The following GALNT18 variants were observed in gnomAD, a reference collection of about 807,000 sequenced individuals.
The protein encoded by GALNT18 is polypeptide N-acetylgalactosaminyltransferase 18, also known as GalNAc-transferase 18.
GALNT18 carries 44 observed loss-of-function variants against 69.5 expected under a neutral mutation model. That is an observed-to-expected ratio of 0.63 (90% CI 0.50 to 0.81). The LOEUF is 0.81. GALNT18 is among the 40% of genes least tolerant of loss of function. The pLI is 0.00. For missense variants in GALNT18, 715 were observed against 810.0 expected (o/e 0.88, Z 1.42); for synonymous variants, 364 against 318.2 (o/e 1.14, Z -1.53).
At chr11:11,556,218 T>A (rs1858330094) in intron 1 of GALNT18, among the ~76,000 whole-genome samples, 1 of 152,246 alleles carries the variant, frequency 6.6e-6, no homozygotes, top group Non-Finnish European at 1.5e-5. Flanking sequence ...GGTCAAACTC[T>A]ATCGCTTGAT....
chr11:11,344,520 C>T (rs1301733897), intron 6 of GALNT18, among the ~76,000 whole-genome samples: 2 of 152,184 alleles, frequency 1.3e-5, no homozygotes, highest in Non-Finnish European at 2.9e-5. Context: ...AAATGGTGCT[C>T]AAAAGAGATC....
rs1439153457 is a variant in GALNT18 at position 11,356,342 on chromosome 11, A to G, written c.1093-15338T>C. ...CTAGAATAACAATGTAATGGTGGCCAAGAAGCTACCTTCCAGGGTCTGATA... is the reference window on the plus strand; with the variant it reads ...CTAGAATAACAATGTAATGGTGGCCGAGAAGCTACCTTCCAGGGTCTGATA... On this transcript the variant is annotated intron_variant, in intron 6 of 10. Coordinates refer to ENST00000227756, the MANE Select transcript of GALNT18 (RefSeq NM_198516.3). This position sits in a 1 kb window ranked among gnomAD's most constrained non-coding sequence, Gnocchi z 4.4. Among the ~76,000 whole-genome samples the G allele has an allele frequency of 6.6e-6, 1 of 152,196 alleles. No individual in the cohort carries two copies. Among genetic ancestry groups the G allele is most frequent in the Non-Finnish European group, 1.5e-5 (1 of 68,034 alleles).
intron 9 of GALNT18, among the ~76,000 whole-genome samples, chr11:11,300,760 A>T (rs1051518780): frequency 6.6e-6 from 1 of 152,202 alleles, no homozygotes; most frequent in East Asian, 1.9e-4. Context: ...AAGCTAAGGC[A>T]GGGGTCTCCA....
rs1218274183 is a variant in GALNT18, at chr11:11,309,795, C to A, written c.1513-16602G>T. 6.6e-6 allele frequency among the ~76,000 whole-genome samples: 1 copy of A among 152,144 alleles called. No individual in the cohort carries two copies. Among genetic ancestry groups the A allele is most frequent in the Non-Finnish European group, 1.5e-5 (1 of 68,028 alleles). ...TCTCACATACCCAGATCCCCTTATG[C>A]TTCAGTTGCAAGACAGCCTGCAAAC... On this transcript the variant is annotated intron_variant, in intron 9 of 10. Coordinates refer to ENST00000227756, the MANE Select transcript of GALNT18 (RefSeq NM_198516.3). This position sits in a 1 kb window ranked among gnomAD's most constrained non-coding sequence, Gnocchi z 4.6.
chr11:11,445,035 T>C (rs559876862), intron 2 of GALNT18, among the ~76,000 whole-genome samples: 1 of 152,350 alleles, frequency 6.6e-6, no homozygotes, highest in South Asian at 2.1e-4. Context: ...TGGTTTCATG[T>C]GCACTAAAAC....
chr11:11,378,854 C>T (rs1412474259), intron 4 of GALNT18, among the ~76,000 whole-genome samples: 1 of 152,180 alleles, frequency 6.6e-6, no homozygotes, highest in Non-Finnish European at 1.5e-5. Flanking sequence ...TATTAGGCAC[C>T]GTGTGCTGAC....
intron 6 of GALNT18, among the ~76,000 whole-genome samples, chr11:11,363,120 A>C (rs544217171): frequency 1.4e-4 from 21 of 152,302 alleles, no homozygotes; most frequent in Admixed American, 2.6e-4. Flanking sequence ...GCCTTTTTTC[A>C]AAGTATTAAG....
In GALNT18 at chr11:11,341,112, C is replaced by T; in HGVS notation, c.1093-108G>A. ...GCAGGAAGAAAGTCAGCCCCTTCAC[C>T]TTGACTCCCCAGATCACTCTCTGTG... On this transcript the variant is annotated intron_variant, in intron 6 of 10. Coordinates refer to ENST00000227756, the MANE Select transcript of GALNT18 (RefSeq NM_198516.3). The surrounding 1 kb of genome is among the most constrained non-coding windows in gnomAD (Gnocchi z 6.3). 3 of 967,942 alleles carry T rather than the reference C, an allele frequency of 3.1e-6. No homozygotes were observed. The highest frequency in any genetic ancestry group is 4.6e-6 in the Non-Finnish European group (3 of 651,122). The allele number at this position is 967,942 out of a possible 1,614,324, so 60.0% of individuals were successfully genotyped here.
intron 8 of GALNT18, among the ~76,000 whole-genome samples, chr11:11,331,504 T>C (rs1850016354): frequency 1.3e-5 from 2 of 152,222 alleles, no homozygotes; most frequent in Admixed American, 1.3e-4. Flanking sequence ...GCAATTGTCC[T>C]GTTCACTACA....
chr11:11,279,538 A>AC (rs1564876675), intron 10 of GALNT18, among the ~76,000 whole-genome samples: 1 of 152,242 alleles, frequency 6.6e-6, no homozygotes, highest in African/African-American at 2.4e-5. Context: ...CAGCAGACAT[A>AC]TAACTCACGG....
chr11:11,573,008 G>C lies in GALNT18; in HGVS notation c.235+48351C>G, dbSNP rs1035536212. ...GTCACTTCTCTTAGTCCTCACAGTAGTCCCATGAAGGAGGACGTTATCTTA... is the reference window on the plus strand; with the variant it reads ...GTCACTTCTCTTAGTCCTCACAGTACTCCCATGAAGGAGGACGTTATCTTA... On this transcript the variant is annotated intron_variant, in intron 1 of 10. Transcript: ENST00000227756. The surrounding 1 kb of genome is among the most constrained non-coding windows in gnomAD (Gnocchi z 4.6). Among the ~76,000 whole-genome samples, 2 of 152,188 alleles carry C rather than the reference G, an allele frequency of 1.3e-5. No individual in the cohort carries two copies. Among genetic ancestry groups the C allele is most frequent in the African/African-American group, 4.8e-5 (2 of 41,448 alleles).
rs1235254196 is a variant in GALNT18, at chr11:11,461,540, G to A, written c.236-12604C>T. ...GCCTAGGAGAGATATAATAAACTCT[G>A]AAGCACATACCGTTATCCCCCCCGC... On this transcript the variant is annotated intron_variant, in intron 1 of 10. Coordinates refer to ENST00000227756, the MANE Select transcript of GALNT18 (RefSeq NM_198516.3). This position sits in a 1 kb window ranked among gnomAD's most constrained non-coding sequence, Gnocchi z 4.1. Among the ~76,000 whole-genome samples the A allele has an allele frequency of 1.3e-5, 2 of 152,140 alleles. No homozygotes were observed. The highest frequency in any genetic ancestry group is 3.8e-4 in the East Asian group (2 of 5,198).
Position 11,320,296 on chromosome 11 carries a change from CAACAA to C in GALNT18, c.1512+6785_1512+6789del, listed in dbSNP as rs1849821713. ...CCTGGCTTGGTCTATATTCCCTAGG[CAACAA>C]TGTAAAGTGCCACCTCCATCTCCTG... On this transcript the variant is annotated intron_variant, in intron 9 of 10. Coordinates refer to ENST00000227756, the MANE Select transcript of GALNT18 (RefSeq NM_198516.3). The surrounding 1 kb of genome is among the most constrained non-coding windows in gnomAD (Gnocchi z 4.9). 1.3e-5 allele frequency among the ~76,000 whole-genome samples: 2 copies of C among 152,202 alleles called. No individual in the cohort carries two copies. Among genetic ancestry groups the C allele is most frequent in the Admixed American group, 1.3e-4 (2 of 15,284 alleles).
chr11:11,457,698 G>A (rs1855954521), intron 1 of GALNT18, among the ~76,000 whole-genome samples: 1 of 152,178 alleles, frequency 6.6e-6, no homozygotes, highest in Non-Finnish European at 1.5e-5. Context: ...TTGTCCCTCG[G>A]TTTGTGCACC....
chr11:11,565,228 G>A (rs191679787), intron 1 of GALNT18, among the ~76,000 whole-genome samples: 1 of 152,368 alleles, frequency 6.6e-6, no homozygotes, highest in East Asian at 1.9e-4. Context: ...ATGATGCTCA[G>A]CACACTCAGT....
chr11:11,354,822 C>G (rs370725317), intron 6 of GALNT18, among the ~76,000 whole-genome samples: 1 of 152,088 alleles, frequency 6.6e-6, no homozygotes, highest in Non-Finnish European at 1.5e-5. Flanking sequence ...ACGAAGTTCC[C>G]GATTTTCTTC....
Position 11,444,499 on chromosome 11 carries a change from T to C in GALNT18, c.428+4245A>G, listed in dbSNP as rs920696015. ...GCACATCATGAGTGCTCAGTAAATG[T>C]TGGCTGGATAAAAAAATAAACGAGG... On this transcript the variant is annotated intron_variant, in intron 2 of 10. Coordinates refer to ENST00000227756, the MANE Select transcript of GALNT18 (RefSeq NM_198516.3). The surrounding 1 kb of genome is among the most constrained non-coding windows in gnomAD (Gnocchi z 4.4). 2.0e-5 allele frequency among the ~76,000 whole-genome samples: 3 copies of C among 152,256 alleles called. No homozygotes were observed.
At chr11:11,419,267 T>C (rs1444594283) in intron 3 of GALNT18, among the ~76,000 whole-genome samples, 1 of 152,116 alleles carries the variant, frequency 6.6e-6, no homozygotes, top group African/African-American at 2.4e-5. Flanking sequence ...ATTTCTTTGT[T>C]TTGTGCTTTT....
Position 11,541,389 on chromosome 11 carries a change from C to A in GALNT18, c.235+79970G>T, listed in dbSNP as rs370678666. Among the ~76,000 whole-genome samples, 5 of 152,314 alleles carry A rather than the reference C, an allele frequency of 3.3e-5. No individual in the cohort carries two copies. In the East Asian group the frequency reaches 9.7e-4, roughly 29 times the overall value. On this transcript the variant is annotated intron_variant, in intron 1 of 10. Coordinates refer to ENST00000227756, the MANE Select transcript of GALNT18 (RefSeq NM_198516.3). The surrounding 1 kb of genome is among the most constrained non-coding windows in gnomAD (Gnocchi z 4.8). ...TGATCTCCGCCTTCAGTACCTCTCC[C>A]TGGCTCTTCAAGTGGTCTCCCAGCC...
Sources: gnomAD v4.1 joint callset for allele counts (sites outside exome capture counted in the v4.1 genomes callset) on GRCh38, gnomAD v4.1.1 for gene constraint, Gnocchi (gnomAD v3.1) non-coding constraint, MANE v1.5 for transcripts, NCBI Gene and HGNC (gene_info 2026-07-23, HGNC 2026-07-21) for gene names.